The following ETV4 variants were observed in gnomAD, a reference collection of about 807,000 sequenced individuals.
ETV4 encodes the protein ETS variant transcription factor 4.
ETV4 carries 42 observed loss-of-function variants against 65.9 expected under a neutral mutation model. The ratio of observed to expected loss-of-function variants is 0.64; its 90% CI spans 0.50 to 0.82. ETV4 has a LOEUF of 0.82. Among genes scored for constraint, ETV4 ranks in the 40% least tolerant of loss-of-function variants. The pLI, the probability that ETV4 is intolerant of heterozygous loss-of-function variation, is 0.00. For synonymous variants in ETV4, 238 were observed against 260.0 expected (o/e 0.92, Z 0.81); for missense variants, 583 against 630.3 (o/e 0.92, Z 0.80).
intron 8 of ETV4, among the ~76,000 whole-genome samples, chr17:43,530,707 T>C (rs1049276000): frequency 4.0e-5 from 6 of 151,876 alleles, no homozygotes; most frequent in Non-Finnish European, 7.4e-5. Context: ...TTTTTTCAGG[T>C]CTAACAGAGC....
At position 43,532,769 on chromosome 17, in the gene ETV4, T is replaced by C. The variant is rs781057795; in HGVS notation, c.716A>G (p.Gln239Arg). 7.8e-5 allele frequency: 126 copies of C among 1,613,942 alleles called. No individual in the cohort carries two copies. Among genetic ancestry groups the C allele is most frequent in the Admixed American group, 1.3e-4 (8 of 59,988 alleles). ...YHDPLYEQAG[Q>R]PAVDQGGVNG... ...GACCCCACCCTGGTCCACGGCTGGC[T>C]GGCCCGCCTGTTCATACAGGGGATC... The change falls in exon 8 of 13, where the codon CAG becomes CGG. Residue 239 changes from glutamine to arginine, a missense_variant. By Grantham distance (43) the Gln-to-Arg change is conservative. Transcript: ENST00000319349.
rs1321827051 is a variant in ETV4, at chr17:43,545,294, A to G, written c.134T>C (p.Leu45Pro). The change falls in exon 3 of 13, where the codon CTG (leucine) becomes CCG (proline). Residue 45 changes from leucine to proline, a missense_variant. By Grantham distance (98) the Leu-to-Pro change is moderately conservative. Coordinates refer to ENST00000319349, the MANE Select transcript of ETV4 (RefSeq NM_001079675.5). ...PLGKLMDPGS[L>P]PPLDSEDLFQ... is the part of the protein sequence containing the mutation. ...TTTACCTTCAGAGTCGAGGGGCGGC[A>G]GGGAGCCCGGGTCCATGAGCTTCCC... is the stretch of plus-strand genomic sequence containing the variant. 5 of 1,608,466 alleles carry G rather than the reference A, an allele frequency of 3.1e-6. No homozygotes were observed. The highest frequency in any genetic ancestry group is 2.2e-5 in the East Asian group (1 of 44,694).
intron 4 of ETV4, among the ~76,000 whole-genome samples, chr17:43,539,987 C>T (rs1598213310): frequency 2.0e-5 from 3 of 152,180 alleles, no homozygotes; most frequent in Non-Finnish European, 2.9e-5. Context: ...GACAAGTCAA[C>T]ATAATAATAC....
chr17:43,530,193 G>A lies in ETV4; in HGVS notation c.812-12C>T, dbSNP rs1344688661. On this transcript the variant is annotated splice_polypyrimidine_tract_variant and intron_variant, in intron 8 of 12. Coordinates refer to ENST00000319349, the MANE Select transcript of ETV4 (RefSeq NM_001079675.5). Reference sequence around the variant, plus strand: ...GCACCCGGTGACATCTGTGGGGGAAGAAGGGGTGATGTGAGAAGTGGCTTG... The same window carrying A: ...GCACCCGGTGACATCTGTGGGGGAAAAAGGGGTGATGTGAGAAGTGGCTTG... 10 of 1,553,326 alleles carry A rather than the reference G, an allele frequency of 6.4e-6. No individual in the cohort carries two copies. The highest frequency in any genetic ancestry group is 1.2e-5 in the South Asian group (1 of 84,650).
intron 8 of ETV4, among the ~76,000 whole-genome samples, chr17:43,531,104 G>A (rs1386095997): frequency 2.0e-5 from 3 of 152,346 alleles, no homozygotes; most frequent in African/African-American, 7.2e-5. Flanking sequence ...TTGAGGACAG[G>A]AGCACCATCC....
chr17:43,544,854 G>A, intron 4 of ETV4, 121 bp downstream of exon 4: 1 of 910,214 alleles, frequency 1.1e-6, no homozygotes, highest in Non-Finnish European at 1.8e-6. Context: ...GAGGGCCTTG[G>A]AGAACTCCTT....
chr17:43,541,140 C>T (rs2154587252), intron 4 of ETV4, among the ~76,000 whole-genome samples: 1 of 152,240 alleles, frequency 6.6e-6, no homozygotes, highest in African/African-American at 2.4e-5. Context: ...CATCCTCTTC[C>T]CAGAGCCAGG....
At position 43,528,653 on chromosome 17, in the gene ETV4, T is replaced by C; in HGVS notation, c.1321A>G (p.Lys441Glu). The change falls in exon 13 of 13, where the codon AAG becomes GAG. Residue 441 changes from lysine to glutamate, a missense_variant. Lys to Glu is a moderately conservative substitution (Grantham distance 56). Coordinates refer to ENST00000319349, the MANE Select transcript of ETV4 (RefSeq NM_001079675.5). Reference protein sequence around the residue: ...AFPDNQRPALKAEFDRPVSEE... With the variant: ...AFPDNQRPALEAEFDRPVSEE... ...CTGACAGGCCGGTCAAACTCAGCCT[T>C]GAGAGCTGGACGCTGATTGTCCGGG... The C allele has an allele frequency of 1.9e-6, 3 of 1,614,068 alleles. No individual in the cohort carries two copies. The highest frequency in any genetic ancestry group is 2.5e-6 in the Non-Finnish European group (3 of 1,179,964).
intron 12 of ETV4, 88 bp from the exon 13 acceptor site, chr17:43,528,831 CTACCAG>C: frequency 9.5e-7 from 1 of 1,057,986 alleles, no homozygotes; most frequent in South Asian, 1.5e-5. Flanking sequence ...TGTGGCCCTT[CTACCAG>C]TACAGGCAGA....
chr17:43,540,575 C>G (rs1316725752), intron 4 of ETV4, among the ~76,000 whole-genome samples: 2 of 152,188 alleles, frequency 1.3e-5, no homozygotes, highest in Admixed American at 1.3e-4. Context: ...ATAAGGAAGT[C>G]TCCTGTGTCA....
chr17:43,529,547 C>T lies in ETV4; in HGVS notation c.1085G>A (p.Trp362Ter), dbSNP rs1002680213. 1 of 1,614,016 alleles carries T rather than the reference C, an allele frequency of 6.2e-7. No homozygotes were observed. Residue 362 changes from tryptophan to a stop codon, truncating the protein, a stop_gained, in exon 11 of 13, where the codon TGG (tryptophan) becomes TAG (stop). Transcript: ENST00000319349. LOFTEE classifies it high-confidence loss of function. ...DDPTNAHFIAWTGRGMEFKLI... is the reference protein window; with the variant it reads ...DDPTNAHFIA Reference sequence around the variant, plus strand: ...CTTGAACTCCATTCCCCGGCCCGTCCAGGCAATGAAATGGGCATTTGTTGG... The same window carrying T: ...CTTGAACTCCATTCCCCGGCCCGTCTAGGCAATGAAATGGGCATTTGTTGG...
At chr17:43,537,933 C>T (rs965742335) in intron 4 of ETV4, among the ~76,000 whole-genome samples, 1 of 152,080 alleles carries the variant, frequency 6.6e-6, no homozygotes, top group Admixed American at 6.5e-5. Context: ...TCAGGACCAT[C>T]CTGGCTAACA....
chr17:43,537,113 C>T (rs566395972), intron 4 of ETV4, among the ~76,000 whole-genome samples: 1 of 152,346 alleles, frequency 6.6e-6, no homozygotes, highest in East Asian at 1.9e-4. Flanking sequence ...CGCCTATAAT[C>T]CCAGCACTTT....
At position 43,532,414 on chromosome 17, in the gene ETV4, G is replaced by A. The variant is rs953761162; in HGVS notation, c.811+260C>T. ...CTCGGGAGGCTGAGGCACAAGAATCGCTTGAACCCGGTAGGCAGAGGTTGC... is the reference window on the plus strand; with the variant it reads ...CTCGGGAGGCTGAGGCACAAGAATCACTTGAACCCGGTAGGCAGAGGTTGC... On this transcript the variant is annotated intron_variant, in intron 8 of 12. Coordinates refer to ENST00000319349, the MANE Select transcript of ETV4 (RefSeq NM_001079675.5). 2.6e-5 allele frequency among the ~76,000 whole-genome samples: 4 copies of A among 151,966 alleles called. No homozygotes were observed. In the East Asian group the frequency reaches 5.8e-4, roughly 22 times the overall value.
At chr17:43,540,795 A>G (rs529013989) in intron 4 of ETV4, among the ~76,000 whole-genome samples, 1 of 152,282 alleles carries the variant, frequency 6.6e-6, no homozygotes, top group African/African-American at 2.4e-5. Context: ...CCAAGGTGGC[A>G]GGAAGCTGGG....
chr17:43,539,309 C>T (rs1470085696), intron 4 of ETV4, among the ~76,000 whole-genome samples: 1 of 152,128 alleles, frequency 6.6e-6, no homozygotes, highest in Non-Finnish European at 1.5e-5. Flanking sequence ...TGCTTTCTTG[C>T]CTTTTTCTTT....
chr17:43,530,334 C>G lies in ETV4; in HGVS notation c.812-153G>C, dbSNP rs1381922782. ...CCAGGTTGCCTGCCAACCACAAAAT[C>G]CCAGGGAAAGTTCACCCAGAGGGAG... On this transcript the variant is annotated intron_variant, in intron 8 of 12. Transcript: ENST00000319349. 3 of 1,478,460 alleles carry G rather than the reference C, an allele frequency of 2.0e-6. No individual in the cohort carries two copies. In the East Asian group the frequency reaches 7.5e-5, roughly 37 times the overall value. The allele number at this position is 1,478,460 out of a possible 1,614,324, so 91.6% of individuals were successfully genotyped here.
chr17:43,529,385 G>A, intron 11 of ETV4, 119 bp downstream of exon 11: 2 of 1,428,916 alleles, frequency 1.4e-6, no homozygotes, highest in Non-Finnish European at 1.9e-6. Flanking sequence ...GGCTTGGCAA[G>A]AATTCAGGTT....
chr17:43,529,459 C>A lies in ETV4; in HGVS notation c.1128+45G>T, dbSNP rs764934271. On this transcript the variant is annotated intron_variant, in intron 11 of 12. Coordinates refer to ENST00000319349, the MANE Select transcript of ETV4 (RefSeq NM_001079675.5). The stretch of plus-strand genomic sequence containing the variant: ...TTTCCCAGGTTCTCCCACCTCCAGG[C>A]TGTAAACTTTGGAAAGGAGGGCTGG... 4 of 1,574,464 alleles carry A rather than the reference C, an allele frequency of 2.5e-6. No individual in the cohort carries two copies. In the Admixed American group the frequency reaches 5.4e-5, roughly 21 times the overall value.
Sources: gnomAD v4.1 joint callset for allele counts (sites outside exome capture counted in the v4.1 genomes callset) on GRCh38, gnomAD v4.1.1 for gene constraint, MANE v1.5 for transcripts, NCBI Gene and HGNC (gene_info 2026-07-23, HGNC 2026-07-21) for gene names.